Variants in CHM observed in about 807,000 individuals in gnomAD.
The protein encoded by CHM is rab proteins geranylgeranyltransferase component A 1.
In CHM, 10 loss-of-function variants were observed where a neutral mutation model predicts 49.0. The observed-to-expected ratio is 0.20, with a 90% CI of 0.13 to 0.35. CHM has a LOEUF of 0.35. Among genes scored for constraint, CHM ranks in the 10% least tolerant of loss-of-function variants. The pLI is 1.00. For missense variants in CHM, 455 were observed against 478.4 expected, an observed-to-expected ratio of 0.95 and a Z score of 0.46; for synonymous variants, 184 against 167.5, an observed-to-expected ratio of 1.10 and a Z score of -0.76.
At chrX:85,897,186 C>G (rs1280843998) in intron 11 of CHM, among the ~76,000 whole-genome samples, 1 of 93,666 alleles carries the variant, frequency 1.1e-5, no homozygotes, top group Non-Finnish European at 2.0e-5. Flanking sequence ...TATATATATA[C>G]TATATATTAT....
At chrX:86,047,282 C>T (rs1934687490) in intron 1 of CHM, 6 of 482,409 alleles carry the variant, frequency 1.2e-5, no homozygotes, top group Non-Finnish European at 2.2e-5. Flanking sequence ...AACCCCTACT[C>T]AAATGGCGAT....
intron 1 of CHM, among the ~76,000 whole-genome samples, chrX:86,039,510 C>CA (rs769393073): frequency 0.037 from 1,503 of 40,130 alleles, 29 homozygotes; most frequent in African/African-American, 0.089. Context: ...TGGCCTAGAC[C>CA]AAAAAAAAAA....
chrX:85,985,973 A>C (rs1351687296), intron 2 of CHM, among the ~76,000 whole-genome samples: 3 of 110,509 alleles, frequency 2.7e-5, no homozygotes, highest in Non-Finnish European at 5.7e-5. Context: ...CCCCAGGAGC[A>C]ACTGAAAGCC....
At chrX:85,927,295 T>C (rs1254035399) in intron 8 of CHM, among the ~76,000 whole-genome samples, 1 of 111,899 alleles carries the variant, frequency 8.9e-6, no homozygotes, top group African/African-American at 3.2e-5. Context: ...TGGCTGAAAC[T>C]TGTAGTTAGT....
chrX:85,868,019 CTGTGTGTGTG>C (rs36027427), intron 14 of CHM, among the ~76,000 whole-genome samples: 5 of 95,813 alleles, frequency 5.2e-5, no homozygotes, highest in Admixed American at 1.1e-4. Context: ...ATAGTTACCA[CTGTGTGTGTG>C]TGTGTGTGTG....
At chrX:85,885,253 A>G (rs1036025976) in intron 12 of CHM, among the ~76,000 whole-genome samples, 21 of 109,961 alleles carry the variant, frequency 1.9e-4, no homozygotes, top group Non-Finnish European at 7.6e-5. Flanking sequence ...AAACTTCCTC[A>G]TCTGCTTGGA....
At chrX:85,870,537 G>C (rs1037076889) in intron 14 of CHM, among the ~76,000 whole-genome samples, 2 of 111,756 alleles carry the variant, frequency 1.8e-5, no homozygotes, top group Non-Finnish European at 3.8e-5. Context: ...AAAATACAAA[G>C]AGTATGGTAC....
At chrX:85,952,392 G>A in intron 8 of CHM, among the ~76,000 whole-genome samples, 1 of 110,775 alleles carries the variant, frequency 9.0e-6, no homozygotes, top group Non-Finnish European at 1.9e-5. Flanking sequence ...AATAAGATAG[G>A]ACACCAGGCA....
intron 2 of CHM, among the ~76,000 whole-genome samples, chrX:86,020,632 TGATA>T (rs1051321469): frequency 5.7e-5 from 6 of 106,135 alleles, no homozygotes; most frequent in Non-Finnish European, 1.2e-4. Context: ...GATATACATC[TGATA>T]TATATCTCCG....
chrX:85,886,046 C>T (rs1451415702), intron 12 of CHM, among the ~76,000 whole-genome samples: 1 of 111,334 alleles, frequency 9.0e-6, no homozygotes, highest in Non-Finnish European at 1.9e-5. Context: ...ATTTCAACAT[C>T]ATAATTACTA....
chrX:85,972,851 G>A (rs1326058156), intron 4 of CHM, among the ~76,000 whole-genome samples: 1 of 112,474 alleles, frequency 8.9e-6, no homozygotes, highest in East Asian at 2.8e-4. Context: ...CGCCAAAGTG[G>A]GAACCCAGGC....
chrX:86,014,713 C>G lies in CHM; in HGVS notation c.116+12778G>C, dbSNP rs1407259679. ...TTAAAACAATGAAATAGGCCAGGCA[C>G]GGTGGCTCACACCTGTAATTGCAGC... On this transcript the variant is annotated intron_variant, in intron 2 of 14. Transcript: ENST00000357749. Among the ~76,000 whole-genome samples, 5 of 111,915 alleles carry G rather than the reference C, an allele frequency of 4.5e-5. No individual in the cohort carries two copies. In the South Asian group the frequency reaches 1.5e-3, roughly 34 times the overall value.
chrX:85,874,309 G>A (rs919196567), intron 13 of CHM, among the ~76,000 whole-genome samples: 1 of 111,332 alleles, frequency 9.0e-6, no homozygotes, highest in Non-Finnish European at 1.9e-5. Flanking sequence ...TACATTCATT[G>A]ACTAGAGAGT....
At chrX:86,007,655 AATGCTCATCATCAC>A (rs1932893234) in intron 2 of CHM, among the ~76,000 whole-genome samples, 1 of 112,677 alleles carries the variant, frequency 8.9e-6, no homozygotes, top group African/African-American at 3.2e-5. Context: ...TACATGAAAA[AATGCTCATCATCAC>A]TGGTCATCTG....
chrX:85,967,881 A>T (rs754365752), intron 4 of CHM, among the ~76,000 whole-genome samples: 1 of 111,618 alleles, frequency 9.0e-6, no homozygotes, highest in East Asian at 2.8e-4. Context: ...AATAGTAATA[A>T]CAAAGAAACA....
chrX:85,911,727 G>A (rs745791387), intron 8 of CHM, among the ~76,000 whole-genome samples: 3 of 111,267 alleles, frequency 2.7e-5, no homozygotes, highest in Non-Finnish European at 5.7e-5. Flanking sequence ...GAGGAATTAA[G>A]CAGGGAAGAC....
chrX:85,929,157 C>T (rs1213522851), intron 8 of CHM, among the ~76,000 whole-genome samples: 2 of 111,710 alleles, frequency 1.8e-5, no homozygotes, highest in Non-Finnish European at 3.8e-5. Flanking sequence ...GTATGCTCAC[C>T]AATGGCCTCC....
intron 2 of CHM, among the ~76,000 whole-genome samples, chrX:85,983,891 C>A (rs1931762424): frequency 9.0e-6 from 1 of 111,211 alleles, no homozygotes; most frequent in Non-Finnish European, 1.9e-5. Context: ...CAAATATTCA[C>A]AAAACATATC....
At chrX:85,923,258 C>T (rs1430564383) in intron 8 of CHM, among the ~76,000 whole-genome samples, 1 of 112,377 alleles carries the variant, frequency 8.9e-6, no homozygotes, top group African/African-American at 3.2e-5. Context: ...TGGGTTAATA[C>T]ATGTAAAGTG....
Sources: allele counts gnomAD v4.1 joint callset (sites outside exome capture counted in the v4.1 genomes callset), GRCh38; gene constraint gnomAD v4.1.1; transcripts MANE v1.5; gene names NCBI Gene and HGNC (gene_info 2026-07-23, HGNC 2026-07-21).